COMMD1: variants seen among roughly 807,000 people sequenced by gnomAD.
COMMD1 encodes COMM domain-containing protein 1.
Under a neutral mutation model 17.2 loss-of-function variants are expected in COMMD1, and 10 were observed. The ratio of observed to expected loss-of-function variants is 0.58; its 90% CI spans 0.36 to 0.99. The LOEUF is 0.99. COMMD1 is among the 50% of genes least tolerant of loss of function. The pLI is 0.01. For missense variants in COMMD1, 270 were observed against 231.8 expected (o/e 1.17, Z -1.07); for synonymous variants, 97 against 91.6 (o/e 1.06, Z -0.34).
intron 1 of COMMD1, among the ~76,000 whole-genome samples, chr2:61,976,117 G>A (rs1021251652): frequency 5.3e-5 from 8 of 150,620 alleles, no homozygotes; most frequent in African/African-American, 1.7e-4. Flanking sequence ...CGGTTTTTGC[G>A]TCTCATATGT....
In COMMD1 at chr2:62,054,435, G is replaced by A. The variant is rs954965241; in HGVS notation, c.462+53453G>A. Among the ~76,000 whole-genome samples the A allele has an allele frequency of 2.6e-5, 4 of 152,164 alleles. No individual in the cohort carries two copies. The East Asian group carries it at 7.7e-4, about 29-fold the overall frequency. ...CACCATTCATAATAGCAAGGATATG[G>A]AATCAATCTAAGTGTGCACCAATAG... On this transcript the variant is annotated intron_variant, in intron 2 of 2. Transcript: ENST00000311832.
intron 1 of COMMD1, among the ~76,000 whole-genome samples, chr2:61,920,893 A>ATG (rs955209805): frequency 1.0e-4 from 15 of 149,864 alleles, no homozygotes; most frequent in Non-Finnish European, 1.5e-4. Flanking sequence ...ATATATATAA[A>ATG]TGTGTGTGTG....
intron 2 of COMMD1, among the ~76,000 whole-genome samples, chr2:62,078,241 A>C (rs1385659505): frequency 3.3e-4 from 24 of 71,670 alleles, no homozygotes; most frequent in Admixed American, 1.3e-4. Context: ...CACCAATGCA[A>C]AAAAAAAAAA....
intron 1 of COMMD1, among the ~76,000 whole-genome samples, chr2:61,908,500 C>T (rs541044255): frequency 6.6e-6 from 1 of 152,286 alleles, no homozygotes; most frequent in East Asian, 1.9e-4. Flanking sequence ...GCTGGGATTA[C>T]AGGCGTGAGC....
At chr2:62,027,414 A>G (rs1669789070) in intron 2 of COMMD1, among the ~76,000 whole-genome samples, 1 of 152,212 alleles carries the variant, frequency 6.6e-6, no homozygotes, top group South Asian at 2.1e-4. Context: ...AATTGCTTTT[A>G]GTAACATGCC....
At chr2:61,890,717 C>T (rs1359277715) in intron 1 of COMMD1, among the ~76,000 whole-genome samples, 1 of 151,302 alleles carries the variant, frequency 6.6e-6, no homozygotes, top group African/African-American at 2.4e-5. Context: ...ATCCCAGCTA[C>T]TCGGGAGGCT....
chr2:61,908,429 G>A (rs1025571479), intron 1 of COMMD1, among the ~76,000 whole-genome samples: 1 of 151,732 alleles, frequency 6.6e-6, no homozygotes, highest in Non-Finnish European at 1.5e-5. Flanking sequence ...GTTTCACCAT[G>A]TTGGCCGGGA....
At chr2:62,045,925 C>A (rs759317288) in intron 2 of COMMD1, among the ~76,000 whole-genome samples, 1 of 151,424 alleles carries the variant, frequency 6.6e-6, no homozygotes, top group Non-Finnish European at 1.5e-5. Context: ...TCAGTAGAGA[C>A]GGGGTTTCAC....
At chr2:62,043,597 G>T (rs1392182575) in intron 2 of COMMD1, among the ~76,000 whole-genome samples, 4 of 152,146 alleles carry the variant, frequency 2.6e-5, no homozygotes, top group Non-Finnish European at 5.9e-5. Flanking sequence ...CTAATTCTGG[G>T]TAAGGATTTG....
intron 2 of COMMD1, among the ~76,000 whole-genome samples, chr2:62,040,150 G>T (rs1670149213): frequency 1.3e-5 from 2 of 152,168 alleles, no homozygotes; most frequent in African/African-American, 4.8e-5. Context: ...CTACTTGGGA[G>T]GCTGAGGTGG....
intron 2 of COMMD1, among the ~76,000 whole-genome samples, chr2:62,074,133 A>T (rs1237778473): frequency 1.3e-5 from 2 of 152,168 alleles, no homozygotes; most frequent in Non-Finnish European, 2.9e-5. Context: ...CTTCCTTTGG[A>T]ATCAGGGCAC....
intron 2 of COMMD1, among the ~76,000 whole-genome samples, chr2:62,021,110 C>G (rs1428012711): frequency 6.6e-6 from 1 of 152,066 alleles, no homozygotes; most frequent in East Asian, 1.9e-4. Flanking sequence ...GAGGCATGAT[C>G]TGGGATCTCA....
At chr2:61,913,236 G>A (rs1669955059) in intron 1 of COMMD1, among the ~76,000 whole-genome samples, 2 of 151,732 alleles carry the variant, frequency 1.3e-5, no homozygotes, top group African/African-American at 4.8e-5. Context: ...GCATGGTGGT[G>A]TGCACCTGTA....
At chr2:62,133,436 G>C (rs982073286) in intron 2 of COMMD1, among the ~76,000 whole-genome samples, 1 of 151,848 alleles carries the variant, frequency 6.6e-6, no homozygotes, top group African/African-American at 2.4e-5. Flanking sequence ...TGCCTTCTTA[G>C]GTTCATGTAT....
At chr2:62,125,883 CA>C (rs776105495) in intron 2 of COMMD1, among the ~76,000 whole-genome samples, 2 of 152,248 alleles carry the variant, frequency 1.3e-5, no homozygotes, top group Middle Eastern at 3.4e-3. Context: ...ATATTAAGCC[CA>C]GCATGCATTA....
At chr2:61,994,210 C>T (rs1668682222) in intron 1 of COMMD1, among the ~76,000 whole-genome samples, 1 of 152,136 alleles carries the variant, frequency 6.6e-6, no homozygotes, top group African/African-American at 2.4e-5. Context: ...TGGTCATGAA[C>T]TCCTGACCTC....
At chr2:62,058,268 A>G (rs1303693919) in intron 2 of COMMD1, among the ~76,000 whole-genome samples, 1 of 152,218 alleles carries the variant, frequency 6.6e-6, no homozygotes, top group African/African-American at 2.4e-5. Context: ...CTATGTCCAT[A>G]CTGATTCTTT....
intron 1 of COMMD1, among the ~76,000 whole-genome samples, chr2:61,960,756 G>A (rs999057178): frequency 1.6e-4 from 24 of 152,174 alleles, no homozygotes; most frequent in African/African-American, 5.5e-4. Flanking sequence ...CCCTCGGGAG[G>A]TAACCTTCCT....
At chr2:61,914,001 C>G (rs1177241653) in intron 1 of COMMD1, among the ~76,000 whole-genome samples, 1 of 151,842 alleles carries the variant, frequency 6.6e-6, no homozygotes, top group Non-Finnish European at 1.5e-5. Flanking sequence ...GAAACCCCGT[C>G]TGTACTAAAA....
Sources: gnomAD v4.1 joint callset for allele counts (sites outside exome capture counted in the v4.1 genomes callset) on GRCh38, gnomAD v4.1.1 for gene constraint, MANE v1.5 for transcripts, NCBI Gene and HGNC (gene_info 2026-07-23, HGNC 2026-07-21) for gene names.